Variants in MET observed in about 807,000 individuals in gnomAD.
The protein encoded by MET is MET proto-oncogene, receptor tyrosine kinase.
MET carries 48 observed loss-of-function variants against 133.1 expected under a neutral mutation model. That is an observed-to-expected ratio of 0.36 (90% CI 0.29 to 0.46). The LOEUF is 0.46. Ranked by LOEUF, MET falls within the 20% of genes least tolerant of loss-of-function variation. MET has a pLI of 1.00. For synonymous variants in MET, 628 were observed against 616.5 expected, an observed-to-expected ratio of 1.02 and a Z score of -0.28; for missense variants, 1,442 against 1,695.9, an observed-to-expected ratio of 0.85 and a Z score of 2.63.
rs906148961 is a variant in MET, at chr7:116,795,636, C to T, written c.3799-19C>T. On this transcript the variant is annotated intron_variant, in intron 19 of 20. Transcript: ENST00000397752. Reference sequence around the variant, plus strand: ...GGTCACATCTCTCACCTCATCTGTCCTGTTTCTTGTTTTACTAGTGGTCCT... The same window carrying T: ...GGTCACATCTCTCACCTCATCTGTCTTGTTTCTTGTTTTACTAGTGGTCCT... The T allele has an allele frequency of 6.2e-7, 1 of 1,613,240 alleles. No homozygotes were observed. The highest frequency in any genetic ancestry group is 1.7e-5 in the Admixed American group (1 of 60,016).
chr7:116,695,275 A>G (rs1292990794), intron 1 of MET, among the ~76,000 whole-genome samples: 1 of 152,122 alleles, frequency 6.6e-6, no homozygotes. Flanking sequence ...TACAGTTTGT[A>G]TTTGCCCTCT....
In MET at chr7:116,757,741, T is replaced by C; in HGVS notation, c.2069T>C (p.Ile690Thr). 1 of 1,614,002 alleles carries C rather than the reference T, an allele frequency of 6.2e-7. No individual in the cohort carries two copies. The highest frequency in any genetic ancestry group is 8.5e-7 in the Non-Finnish European group (1 of 1,179,920). ...CTAAACAGTGGGAATTCTAGACACATTTCAATTGGTGGAAAAACATGTACT... is the reference window on the plus strand; with the variant it reads ...CTAAACAGTGGGAATTCTAGACACACTTCAATTGGTGGAAAAACATGTACT... ...NYLNSGNSRH[I>T]SIGGKTCTLK... Residue 690 changes from isoleucine to threonine, a missense_variant, in exon 8 of 21, where the codon ATT (isoleucine) becomes ACT (threonine). By Grantham distance (89) the Ile-to-Thr change is moderately conservative. This residue lies in a region of MET where 514 missense variants were observed against 659.6 expected (regional missense o/e 0.78). Transcript: ENST00000397752.
At chr7:116,715,347 G>A (rs1304762731) in intron 2 of MET, among the ~76,000 whole-genome samples, 1 of 152,128 alleles carries the variant, frequency 6.6e-6, no homozygotes, top group Non-Finnish European at 1.5e-5. Context: ...TGCAATTCTG[G>A]TGTCCCAGGC....
chr7:116,720,782 T>C (rs1171576050), intron 2 of MET, among the ~76,000 whole-genome samples: 67 of 120,262 alleles, frequency 5.6e-4, no homozygotes, highest in Non-Finnish European at 6.3e-4. Flanking sequence ...ATATGCTGGA[T>C]TACATTTATT....
chr7:116,771,592 C>G lies in MET; in HGVS notation c.2825C>G (p.Ser942Ter), dbSNP rs375576430. 6.2e-7 allele frequency: 1 copy of G among 1,613,880 alleles called. No homozygotes were observed. Among genetic ancestry groups the G allele is most frequent in the Non-Finnish European group, 8.5e-7 (1 of 1,179,826 alleles). ...TTGATTGCTGGTGTTGTCTCAATATCAACAGCACTGTTATTACTACTTGGG... is the reference window on the plus strand; with the variant it reads ...TTGATTGCTGGTGTTGTCTCAATATGAACAGCACTGTTATTACTACTTGGG... Reference protein sequence around the residue: ...TGLIAGVVSISTALLLLLGFF... With the variant: ...TGLIAGVVSI Residue 942 changes from serine (S) to a stop codon, truncating the protein, a stop_gained, in exon 13 of 21, where the codon TCA becomes TGA. Transcript: ENST00000397752. LOFTEE classifies it high-confidence loss of function.
chr7:116,709,711 G>A (rs1217564612), intron 2 of MET, among the ~76,000 whole-genome samples: 3 of 152,074 alleles, frequency 2.0e-5, no homozygotes, highest in East Asian at 1.9e-4. Context: ...CCCGTAAGGC[G>A]ACCAGAATCT....
At chr7:116,731,445 G>C (rs754011564) in intron 2 of MET, among the ~76,000 whole-genome samples, 2 of 152,184 alleles carry the variant, frequency 1.3e-5, no homozygotes, top group Non-Finnish European at 2.9e-5. Context: ...TTGAACCATG[G>C]TGTGAATTGC....
chr7:116,748,122 T>C (rs1019803047), intron 5 of MET, among the ~76,000 whole-genome samples: 4 of 152,206 alleles, frequency 2.6e-5, no homozygotes, highest in Admixed American at 6.5e-5. Flanking sequence ...CGGGCGCCTG[T>C]AGTCCCAGCT....
At chr7:116,705,322 T>G (rs1408230169) in intron 2 of MET, among the ~76,000 whole-genome samples, 1 of 152,092 alleles carries the variant, frequency 6.6e-6, no homozygotes, top group Non-Finnish European at 1.5e-5. Flanking sequence ...TTTATAACTT[T>G]TATAGGCCAT....
At chr7:116,673,965 A>G (rs1207259682) in intron 1 of MET, among the ~76,000 whole-genome samples, 1 of 152,238 alleles carries the variant, frequency 6.6e-6, no homozygotes, top group African/African-American at 2.4e-5. Flanking sequence ...TACATCATTC[A>G]TAAGAAATTT....
At chr7:116,722,807 G>T (rs1193822708) in intron 2 of MET, among the ~76,000 whole-genome samples, 1 of 152,016 alleles carries the variant, frequency 6.6e-6, no homozygotes, top group Non-Finnish European at 1.5e-5. Flanking sequence ...TGGAATATTG[G>T]CCCCCACTCT....
At chr7:116,674,466 A>ATTTCAAAAAT (rs1220401962) in intron 1 of MET, among the ~76,000 whole-genome samples, 1 of 152,234 alleles carries the variant, frequency 6.6e-6, no homozygotes, top group Non-Finnish European at 1.5e-5. Context: ...TAAGAAATAC[A>ATTTCAAAAAT]TTTCAAAAAT....
chr7:116,774,887 T>C lies in MET; in HGVS notation c.3035T>C (p.Phe1012Ser), dbSNP rs1794945602. The change falls in exon 15 of 21, where the codon TTT becomes TCT. Residue 1012 changes from phenylalanine to serine, a missense_variant. Physicochemically the swap from Phe to Ser is radical, Grantham distance 155. This residue lies in a region of MET where 514 missense variants were observed against 659.6 expected (regional missense o/e 0.78). Coordinates refer to ENST00000397752, the MANE Select transcript of MET (RefSeq NM_000245.4). ...DYRATFPEDQ[F>S]PNSSQNGSCR... ...ATTTTCCTTCATCTTACAGATCAGT[T>C]TCCTAATTCATCTCAGAACGGTTCA... 1 of 1,613,928 alleles carries C rather than the reference T, an allele frequency of 6.2e-7. No individual in the cohort carries two copies. Among genetic ancestry groups the C allele is most frequent in the Admixed American group, 1.7e-5 (1 of 60,020 alleles).
chr7:116,795,532 G>C, intron 19 of MET, 123 bp from the exon 20 acceptor site: 3 of 1,298,550 alleles, frequency 2.3e-6, no homozygotes, highest in Non-Finnish European at 3.3e-6. Flanking sequence ...GAAAATTGTT[G>C]CCCAAAACAG....
At chr7:116,709,643 G>A (rs1026121853) in intron 2 of MET, among the ~76,000 whole-genome samples, 6 of 152,092 alleles carry the variant, frequency 3.9e-5, no homozygotes, top group East Asian at 1.9e-4. Flanking sequence ...AAGTCAGAGA[G>A]GTCACTGGCT....
intron 19 of MET, among the ~76,000 whole-genome samples, chr7:116,788,581 G>A (rs904955909): frequency 6.6e-6 from 1 of 152,128 alleles, no homozygotes; most frequent in Non-Finnish European, 1.5e-5. Context: ...CAGATAGGAT[G>A]GTGCTATTTC....
At chr7:116,718,433 T>A (rs38856) in intron 2 of MET, among the ~76,000 whole-genome samples, 109,460 of 151,962 alleles carry the variant, frequency 0.72, 39,616 homozygotes, top group East Asian at 0.9. Context: ...ATAAAATAAA[T>A]AATAAAACAC....
In MET at chr7:116,699,118, C is replaced by T. The variant is rs764455004; in HGVS notation, c.34C>T (p.Leu12Phe). 7.4e-6 allele frequency: 12 copies of T among 1,613,850 alleles called. No individual in the cohort carries two copies. The highest frequency in any genetic ancestry group is 1.7e-5 in the Admixed American group (1 of 59,978). The change falls in exon 2 of 21, where the codon CTC becomes TTC. Residue 12 changes from leucine (L) to phenylalanine (F), a missense_variant. Physicochemically the swap from Leu to Phe is conservative, Grantham distance 22. Coordinates refer to ENST00000397752, the MANE Select transcript of MET (RefSeq NM_000245.4). ...KAPAVLAPGILVLLFTLVQRS... is the reference protein window; with the variant it reads ...KAPAVLAPGIFVLLFTLVQRS... ...CCCCGCTGTGCTTGCACCTGGCATC[C>T]TCGTGCTCCTGTTTACCTTGGTGCA... is the stretch of plus-strand genomic sequence containing the variant.
chr7:116,740,876 T>A lies in MET; in HGVS notation c.1552T>A (p.Leu518Met), dbSNP rs780293990. 3 of 1,614,180 alleles carry A rather than the reference T, an allele frequency of 1.9e-6. No individual in the cohort carries two copies. The South Asian group carries it at 3.3e-5, about 18-fold the overall frequency. ...KKITKIPLNG[L>M]GCRHFQSCSQ... ...GATCACGAAGATCCCATTGAATGGC[T>A]TGGGCTGCAGACATTTCCAGTCCTG... The change falls in exon 5 of 21, where the codon TTG becomes ATG. Residue 518 changes from leucine (L) to methionine (M), a missense_variant. Leu to Met is a conservative substitution (Grantham distance 15). Transcript: ENST00000397752.
Sources: gnomAD v4.1 joint callset for allele counts (sites outside exome capture counted in the v4.1 genomes callset) on GRCh38, gnomAD v4.1.1 for gene constraint, gnomAD v4.1.1 regional missense constraint, MANE v1.5 for transcripts, NCBI Gene and HGNC (gene_info 2026-07-23, HGNC 2026-07-21) for gene names.